The following EFCAB13 variants were observed in gnomAD, a reference collection of about 807,000 sequenced individuals.
The protein encoded by EFCAB13 is EF-hand calcium-binding domain-containing protein 13.
EFCAB13 carries 91 observed loss-of-function variants against 110.2 expected under a neutral mutation model. The ratio of observed to expected loss-of-function variants is 0.83; its 90% CI spans 0.70 to 0.98. EFCAB13 has a LOEUF of 0.98. Ranked by LOEUF, EFCAB13 falls within the 50% of genes least tolerant of loss-of-function variation. EFCAB13 has a pLI of 0.00. For synonymous variants in EFCAB13, 323 were observed against 369.9 expected (o/e 0.87, Z 1.45); for missense variants, 968 against 1,119.4 (o/e 0.86, Z 1.93).
chr17:47,381,089 T>C (rs2065645131), intron 14 of EFCAB13, among the ~76,000 whole-genome samples: 1 of 151,868 alleles, frequency 6.6e-6, no homozygotes. Context: ...TCACCATGTT[T>C]GCCAGGATGG....
At chr17:47,409,875 T>C (rs1017851179) in intron 21 of EFCAB13, among the ~76,000 whole-genome samples, 184 bp downstream of exon 21, 3 of 152,214 alleles carry the variant, frequency 2.0e-5, no homozygotes, top group Admixed American at 2.0e-4. Flanking sequence ...TTTCCTGTTA[T>C]TAGGATAAAA....
At chr17:47,420,588 T>A (rs1476742878) in intron 23 of EFCAB13, among the ~76,000 whole-genome samples, 7 of 148,958 alleles carry the variant, frequency 4.7e-5, no homozygotes, top group African/African-American at 1.5e-4. Context: ...GGGGAGCGCC[T>A]CTGCCCCGCC....
At position 47,440,501 on chromosome 17, in the gene EFCAB13, AG is replaced by A; in HGVS notation, c.2711del (p.Gly904ValfsTer5). Reference protein sequence around the residue: ...SDILTIPKAAGKFYLICTYCP... With the variant: ...SDILTIPKAAXKFYLICTYCP... ...ATATATTGACAATTCCTAAAGCTGCAGGTAAGTTTTATTTAATATGTACTTA... is the reference window on the plus strand; with the variant it reads ...ATATATTGACAATTCCTAAAGCTGCAGTAAGTTTTATTTAATATGTACTTA... On this transcript the variant is annotated frameshift_variant, in exon 25 of 25. Coordinates refer to ENST00000331493, the MANE Select transcript of EFCAB13 (RefSeq NM_152347.5). LOFTEE classifies it high-confidence loss of function. 1 of 1,611,592 alleles carries A rather than the reference AG, an allele frequency of 6.2e-7. No homozygotes were observed.
At chr17:47,386,786 G>C (rs565512373) in intron 14 of EFCAB13, among the ~76,000 whole-genome samples, 45 of 152,298 alleles carry the variant, frequency 3.0e-4, no homozygotes, top group African/African-American at 1.1e-3. Flanking sequence ...GAATCTCCTG[G>C]TCTGTGGATT....
chr17:47,373,216 T>C (rs993245664), intron 11 of EFCAB13, among the ~76,000 whole-genome samples: 4 of 152,222 alleles, frequency 2.6e-5, no homozygotes, highest in Admixed American at 2.6e-4. Flanking sequence ...TGTTCTCTAT[T>C]GTATTTTGCA....
intron 23 of EFCAB13, among the ~76,000 whole-genome samples, chr17:47,423,115 C>T (rs1904775984): frequency 6.6e-6 from 1 of 152,038 alleles, no homozygotes; most frequent in African/African-American, 2.4e-5. Flanking sequence ...ATAGCATTCA[C>T]AAAATATGTA....
At chr17:47,419,669 T>G (rs1904565668) in intron 23 of EFCAB13, among the ~76,000 whole-genome samples, 1 of 152,180 alleles carries the variant, frequency 6.6e-6, no homozygotes, top group Non-Finnish European at 1.5e-5. Flanking sequence ...CTAGCTTAGT[T>G]CATGAGTCAA....
At chr17:47,427,302 G>A (rs995311577) in intron 23 of EFCAB13, among the ~76,000 whole-genome samples, 2 of 152,044 alleles carry the variant, frequency 1.3e-5, no homozygotes, top group Admixed American at 6.5e-5. Context: ...TTGTTATATG[G>A]CATAGGTTAC....
At chr17:47,439,569 T>C (rs1329665762) in intron 24 of EFCAB13, among the ~76,000 whole-genome samples, 2 of 152,180 alleles carry the variant, frequency 1.3e-5, no homozygotes, top group Non-Finnish European at 2.9e-5. Flanking sequence ...TGTTTAATAT[T>C]CTGCCTCTTA....
chr17:47,379,315 G>C lies in EFCAB13; in HGVS notation c.1582+62G>C, dbSNP rs149457482. ...AAGAGCAGTGTGTTGAGAAGAATTA[G>C]GTTCAACAGAACTGGGCTTGCTTTT... On this transcript the variant is annotated intron_variant, in intron 14 of 24. Coordinates refer to ENST00000331493, the MANE Select transcript of EFCAB13 (RefSeq NM_152347.5). 7.9e-3 allele frequency: 10,372 copies of C among 1,317,064 alleles called. 56 individuals are homozygous for C. Among genetic ancestry groups the C allele is most frequent in the Non-Finnish European group, 0.01 (9,514 of 913,404 alleles). The allele number at this position is 1,317,064 out of a possible 1,614,324, so 81.6% of individuals were successfully genotyped here.
chr17:47,330,379 G>C (rs2065313110), intron 4 of EFCAB13, among the ~76,000 whole-genome samples: 1 of 151,892 alleles, frequency 6.6e-6, no homozygotes, highest in Non-Finnish European at 1.5e-5. Flanking sequence ...TTATACAGTG[G>C]TGAAGTCTGG....
chr17:47,376,780 T>C (rs2065617760), intron 12 of EFCAB13, among the ~76,000 whole-genome samples: 1 of 152,228 alleles, frequency 6.6e-6, no homozygotes, highest in Non-Finnish European at 1.5e-5. Flanking sequence ...CCATTACATT[T>C]AGTTGTCACT....
chr17:47,394,080 A>G lies in EFCAB13; in HGVS notation c.1782A>G (p.Glu594=). The part of the protein sequence containing the change: ...EFIDTMMSNT[E]CFSEKLVLPD... ...TTGATACTATGATGAGCAACACGGA[A>G]TGCTTCTCTGAAAAATTAGGTACGT... Residue 594 remains glutamate, a synonymous_variant, in exon 16 of 25, where the codon GAA becomes GAG. Transcript: ENST00000331493. The G allele has an allele frequency of 6.5e-7, 1 of 1,536,898 alleles. No individual in the cohort carries two copies. The highest frequency in any genetic ancestry group is 8.7e-7 in the Non-Finnish European group (1 of 1,145,020).
intron 23 of EFCAB13, among the ~76,000 whole-genome samples, chr17:47,420,976 C>T (rs1266795581): frequency 9.5e-5 from 14 of 147,468 alleles, no homozygotes; most frequent in African/African-American, 3.5e-4. Flanking sequence ...GCCGCCCCGT[C>T]CGGGAGGGAG....
intron 24 of EFCAB13, among the ~76,000 whole-genome samples, chr17:47,437,534 C>T (rs1328353619): frequency 6.6e-6 from 1 of 152,164 alleles, no homozygotes; most frequent in East Asian, 1.9e-4. Flanking sequence ...TCTCTTTTAA[C>T]TGCTGTTGCT....
chr17:47,340,012 C>T (rs1490756851), intron 5 of EFCAB13: 1 of 152,102 alleles, frequency 6.6e-6, no homozygotes, highest in Non-Finnish European at 1.5e-5. Flanking sequence ...AGTCTCCCAC[C>T]TTTTCCTATA....
chr17:47,382,282 T>C (rs995584760), intron 14 of EFCAB13, among the ~76,000 whole-genome samples: 1 of 152,206 alleles, frequency 6.6e-6, no homozygotes, highest in African/African-American at 2.4e-5. Context: ...TTTCTAGATA[T>C]ACAATCATGT....
At chr17:47,425,170 C>T (rs1376895326) in intron 23 of EFCAB13, among the ~76,000 whole-genome samples, 1 of 152,056 alleles carries the variant, frequency 6.6e-6, no homozygotes, top group Non-Finnish European at 1.5e-5. Context: ...GCGTGAGCCA[C>T]CGCGCCCGGC....
intron 14 of EFCAB13, among the ~76,000 whole-genome samples, chr17:47,387,750 A>G (rs1402948380): frequency 6.6e-6 from 1 of 152,114 alleles, no homozygotes; most frequent in African/African-American, 2.4e-5. Flanking sequence ...TTGTCATTGA[A>G]CCATTAATTA....
Sources: allele counts gnomAD v4.1 joint callset (sites outside exome capture counted in the v4.1 genomes callset), GRCh38; gene constraint gnomAD v4.1.1; transcripts MANE v1.5; gene names NCBI Gene and HGNC (gene_info 2026-07-23, HGNC 2026-07-21).